RFTN1: variants seen among roughly 807,000 people sequenced by gnomAD.
RFTN1 encodes raftlin.
A neutral mutation model predicts 46.5 loss-of-function variants in RFTN1; 26 were observed. That is an observed-to-expected ratio of 0.56 (90% CI 0.41 to 0.78). The LOEUF is 0.78. RFTN1 is among the 30% of genes least tolerant of loss of function. The pLI is 0.00. For synonymous variants in RFTN1, 261 were observed against 284.2 expected (o/e 0.92, Z 0.82); for missense variants, 693 against 718.7 (o/e 0.96, Z 0.41).
In RFTN1 at chr3:16,448,633, G is replaced by C. The variant is rs2075774402; in HGVS notation, c.146-14596C>G. Among the ~76,000 whole-genome samples, 1 of 152,116 alleles carries C rather than the reference G, an allele frequency of 6.6e-6. No individual in the cohort carries two copies. Among genetic ancestry groups the C allele is most frequent in the South Asian group, 2.1e-4 (1 of 4,818 alleles). Reference sequence around the variant, plus strand: ...CTTTTTACTGCCTTCATGTTTGATGGTTTGCTCCCTGTGTCCCTTAAATGC... The same window carrying C: ...CTTTTTACTGCCTTCATGTTTGATGCTTTGCTCCCTGTGTCCCTTAAATGC... On this transcript the variant is annotated intron_variant, in intron 2 of 9. Transcript: ENST00000334133. The surrounding 1 kb of genome is among the most constrained non-coding windows in gnomAD (Gnocchi z 4.1).
chr3:16,491,769 CA>C (rs1468096416), intron 2 of RFTN1, among the ~76,000 whole-genome samples: 5 of 147,606 alleles, frequency 3.4e-5, no homozygotes, highest in Admixed American at 3.4e-4. Flanking sequence ...AACAAACAAA[CA>C]AAACAAACAA....
In RFTN1 at chr3:16,504,890, G is replaced by T. The variant is rs1285469143; in HGVS notation, c.-9+8552C>A. ...ATGCAGCACCTTGCCCAACAAGCTT[G>T]CTCTTCCTCCTGCATTTCTCGTCTC... On this transcript the variant is annotated intron_variant, in intron 1 of 9. Transcript: ENST00000334133. The surrounding 1 kb of genome is among the most constrained non-coding windows in gnomAD (Gnocchi z 4.4). Among the ~76,000 whole-genome samples, 1 of 152,062 alleles carries T rather than the reference G, an allele frequency of 6.6e-6. No homozygotes were observed. The highest frequency in any genetic ancestry group is 1.5e-5 in the Non-Finnish European group (1 of 68,006).
rs1263058857 is a variant in RFTN1, at chr3:16,381,265, C to T, written c.442-3163G>A. On this transcript the variant is annotated intron_variant, in intron 4 of 9. Coordinates refer to ENST00000334133, the MANE Select transcript of RFTN1 (RefSeq NM_015150.2). The surrounding 1 kb of genome is among the most constrained non-coding windows in gnomAD (Gnocchi z 4.2). The stretch of plus-strand genomic sequence containing the variant: ...GAGTGGGGCTATAAGTGATTTTTTT[C>T]TATTACTGTGTAATTTTCAAAATTT... Among the ~76,000 whole-genome samples the T allele has an allele frequency of 2.0e-5, 3 of 152,126 alleles. No homozygotes were observed. The highest frequency in any genetic ancestry group is 4.8e-5 in the African/African-American group (2 of 41,434).
intron 4 of RFTN1, among the ~76,000 whole-genome samples, chr3:16,388,219 C>G (rs77289903): frequency 2.6e-5 from 4 of 152,214 alleles, no homozygotes; most frequent in African/African-American, 4.8e-5. Context: ...ATGCTGTTCC[C>G]CCCTCCATCT....
At chr3:16,368,482 T>C (rs938556150) in intron 6 of RFTN1, among the ~76,000 whole-genome samples, 4 of 152,144 alleles carry the variant, frequency 2.6e-5, no homozygotes, top group East Asian at 1.9e-4. Context: ...CCATCCTGGC[T>C]AACACAGCGA....
Position 16,418,183 on chromosome 3 carries a change from C to T in RFTN1, c.333-8700G>A, listed in dbSNP as rs1297699228. 1.3e-5 allele frequency among the ~76,000 whole-genome samples: 2 copies of T among 152,082 alleles called. No individual in the cohort carries two copies. The highest frequency in any genetic ancestry group is 2.9e-5 in the Non-Finnish European group (2 of 68,024). On this transcript the variant is annotated intron_variant, in intron 3 of 9. Transcript: ENST00000334133. The surrounding 1 kb of genome is among the most constrained non-coding windows in gnomAD (Gnocchi z 5.0). ...AACCCTCAAATCACTGACAAAGTGC[C>T]AAGTAGTAAGTTGAATATGCATTTT...
In RFTN1 at chr3:16,433,573, A is replaced by G. The variant is rs140478695; in HGVS notation, c.332+278T>C. Among the ~76,000 whole-genome samples the G allele has an allele frequency of 7.0e-4, 106 of 152,278 alleles. No homozygotes were observed. The highest frequency in any genetic ancestry group is 1.1e-3 in the Non-Finnish European group (76 of 68,034). On this transcript the variant is annotated intron_variant, in intron 3 of 9. Transcript: ENST00000334133. The surrounding 1 kb of genome is among the most constrained non-coding windows in gnomAD (Gnocchi z 4.4). Reference sequence around the variant, plus strand: ...GGGCATATGCTTCTTCTGAGGAGACATTTTTCTAGCTGAGTTTAATCCAGT... The same window carrying G: ...GGGCATATGCTTCTTCTGAGGAGACGTTTTTCTAGCTGAGTTTAATCCAGT...
rs954142645 is a variant in RFTN1, at chr3:16,426,768, C to T, written c.332+7083G>A. On this transcript the variant is annotated intron_variant, in intron 3 of 9. Transcript: ENST00000334133. The surrounding 1 kb of genome is among the most constrained non-coding windows in gnomAD (Gnocchi z 5.9). ...GATATACTTTTGGTACTGATAAATA[C>T]GTAAACCAAAGACAGATCTATCTCA... 1.3e-5 allele frequency among the ~76,000 whole-genome samples: 2 copies of T among 150,764 alleles called. No homozygotes were observed. Among genetic ancestry groups the T allele is most frequent in the African/African-American group, 2.4e-5 (1 of 40,948 alleles).
chr3:16,350,719 G>C (rs554767235), intron 7 of RFTN1, among the ~76,000 whole-genome samples: 5 of 152,296 alleles, frequency 3.3e-5, no homozygotes, highest in South Asian at 2.1e-4. Flanking sequence ...GGGTTTGGGT[G>C]TTGATTCCTG....
chr3:16,477,047 C>G (rs2076293419), intron 2 of RFTN1, among the ~76,000 whole-genome samples: 1 of 152,130 alleles, frequency 6.6e-6, no homozygotes, highest in African/African-American at 2.4e-5. Context: ...GGGGCTGAAA[C>G]AAATTTTTGG....
At chr3:16,470,131 ATGGGGATATT>A (rs2076169098) in intron 2 of RFTN1, among the ~76,000 whole-genome samples, 1 of 152,156 alleles carries the variant, frequency 6.6e-6, no homozygotes, top group African/African-American at 2.4e-5. Flanking sequence ...TATCTTTAAA[ATGGGGATATT>A]TGTCCTTCCT....
chr3:16,391,154 G>T (rs533475511), intron 4 of RFTN1, among the ~76,000 whole-genome samples: 1 of 152,074 alleles, frequency 6.6e-6, no homozygotes, highest in African/African-American at 2.4e-5. Context: ...TCTACACTAC[G>T]AATCTCCCCC....
rs2075188540 is a variant in RFTN1, at chr3:16,421,688, G to A, written c.332+12163C>T. ...TTAATCTCATACTGCGTCCCACAAA[G>A]CTCTTATGGGCAGAGACGGGTCAGT... On this transcript the variant is annotated intron_variant, in intron 3 of 9. Coordinates refer to ENST00000334133, the MANE Select transcript of RFTN1 (RefSeq NM_015150.2). This position sits in a 1 kb window ranked among gnomAD's most constrained non-coding sequence, Gnocchi z 4.6. Among the ~76,000 whole-genome samples, 1 of 152,130 alleles carries A rather than the reference G, an allele frequency of 6.6e-6. No individual in the cohort carries two copies.
intron 7 of RFTN1, among the ~76,000 whole-genome samples, chr3:16,350,673 T>C (rs996600223): frequency 6.6e-6 from 1 of 152,156 alleles, no homozygotes; most frequent in Non-Finnish European, 1.5e-5. Context: ...TATGATTTGC[T>C]TTGCAGTGGG....
intron 7 of RFTN1, among the ~76,000 whole-genome samples, chr3:16,330,915 T>G (rs778703965): frequency 1.9e-4 from 29 of 152,364 alleles, no homozygotes; most frequent in Non-Finnish European, 2.4e-4. Flanking sequence ...GTGAGAAAGT[T>G]TGCATTCTGA....
chr3:16,340,451 T>C (rs1457140330), intron 7 of RFTN1, among the ~76,000 whole-genome samples: 1 of 152,218 alleles, frequency 6.6e-6, no homozygotes, highest in Non-Finnish European at 1.5e-5. Flanking sequence ...AGCTGACATA[T>C]GAGAGAGCCC....
chr3:16,400,445 C>A lies in RFTN1; in HGVS notation c.441+8930G>T, dbSNP rs1323548790. Among the ~76,000 whole-genome samples the A allele has an allele frequency of 1.3e-5, 2 of 152,234 alleles. No homozygotes were observed. Among genetic ancestry groups the A allele is most frequent in the Admixed American group, 6.5e-5 (1 of 15,282 alleles). On this transcript the variant is annotated intron_variant, in intron 4 of 9. Transcript: ENST00000334133. This position sits in a 1 kb window ranked among gnomAD's most constrained non-coding sequence, Gnocchi z 4.5. Reference sequence around the variant, plus strand: ...CGCTCACCCATCTGTGATCCTACAACCCTCATGTGCCCATCTGCTCTGTGT... The same window carrying A: ...CGCTCACCCATCTGTGATCCTACAAACCTCATGTGCCCATCTGCTCTGTGT...
chr3:16,508,024 C>A (rs2076839103), intron 1 of RFTN1, among the ~76,000 whole-genome samples: 1 of 152,188 alleles, frequency 6.6e-6, no homozygotes, highest in Admixed American at 6.5e-5. Context: ...AGTGTGGAAA[C>A]CTCCAATACG....
Position 16,366,004 on chromosome 3 carries a change from A to T in RFTN1, c.1030+4072T>A, listed in dbSNP as rs61461225. 8.4e-3 allele frequency among the ~76,000 whole-genome samples: 1,282 copies of T among 151,926 alleles called. 27 individuals are homozygous for T. Among genetic ancestry groups the T allele is most frequent in the African/African-American group, 0.03 (1,239 of 41,422 alleles). ...GGCCATTTCTGAAACAAAGAGGTGG[A>T]GGACTGCCAGGGTAGGAAAGGGCAA... On this transcript the variant is annotated intron_variant, in intron 6 of 9. Transcript: ENST00000334133.
Sources: allele counts gnomAD v4.1 joint callset (sites outside exome capture counted in the v4.1 genomes callset), GRCh38; gene constraint gnomAD v4.1.1; non-coding constraint Gnocchi (gnomAD v3.1); transcripts MANE v1.5; gene names NCBI Gene and HGNC (gene_info 2026-07-23, HGNC 2026-07-21).